Variants in SLC2A9 observed in about 807,000 individuals in gnomAD.
SLC2A9 encodes solute carrier family 2 member 9, also known as solute carrier family 2, facilitated glucose transporter member 9.
In SLC2A9, 39 loss-of-function variants were observed where a neutral mutation model predicts 50.6. The ratio of observed to expected loss-of-function variants is 0.77; its 90% confidence interval spans 0.60 to 1.01. SLC2A9 has a LOEUF of 1.01. Ranked by LOEUF, SLC2A9 falls within the 50% of genes least tolerant of loss-of-function variation. The pLI is 0.00. For synonymous variants in SLC2A9, 324 were observed against 276.9 expected (o/e 1.17, Z -1.69); for missense variants, 686 against 677.6 (o/e 1.01, Z -0.14).
At chr4:9,849,062 C>A (rs1206364301) in intron 10 of SLC2A9, among the ~76,000 whole-genome samples, 2 of 152,106 alleles carry the variant, frequency 1.3e-5, no homozygotes, top group Admixed American at 1.3e-4. Context: ...TCAGTGAGAG[C>A]CTGGGCTGCG....
At chr4:10,037,285 C>T (rs534399628) in intron 1 of SLC2A9, among the ~76,000 whole-genome samples, 2 of 152,176 alleles carry the variant, frequency 1.3e-5, no homozygotes, top group Admixed American at 6.5e-5. Flanking sequence ...CTCTAGATTA[C>T]GGACTTGCCT....
intron 5 of SLC2A9, among the ~76,000 whole-genome samples, chr4:9,973,213 T>C (rs531657886): frequency 6.6e-6 from 1 of 152,308 alleles, no homozygotes; most frequent in Admixed American, 6.5e-5. Flanking sequence ...AATAAGTTCC[T>C]GGAAACTCAC....
chr4:9,977,917 C>T (rs1339748732), intron 5 of SLC2A9, among the ~76,000 whole-genome samples: 1 of 152,216 alleles, frequency 6.6e-6, no homozygotes, highest in African/African-American at 2.4e-5. Flanking sequence ...GCTTTCTACA[C>T]ATTTGTTGAA....
At chr4:9,808,747 A>G (rs945627059) in intron 3 of SLC2A9, among the ~76,000 whole-genome samples, 3 of 152,170 alleles carry the variant, frequency 2.0e-5, no homozygotes, top group Non-Finnish European at 4.4e-5. Flanking sequence ...ACATGATTCC[A>G]AAGTGAGCAG....
intron 3 of SLC2A9, chr4:9,782,434 C>T (rs1354488934): frequency 3.7e-6 from 6 of 1,613,888 alleles, no homozygotes; most frequent in East Asian, 4.5e-5. Flanking sequence ...GCGTCATCAG[C>T]GTGGACCGCT....
intron 2 of SLC2A9, among the ~76,000 whole-genome samples, chr4:10,000,413 T>C (rs932253368): frequency 1.3e-5 from 2 of 152,142 alleles, no homozygotes; most frequent in Non-Finnish European, 1.5e-5. Flanking sequence ...CAACTCAAAA[T>C]AGCTGAACAA....
intron 7 of SLC2A9, among the ~76,000 whole-genome samples, chr4:9,911,617 G>C (rs914837397): frequency 6.6e-6 from 1 of 152,214 alleles, no homozygotes; most frequent in Admixed American, 6.5e-5. Context: ...TGGAGGCATA[G>C]AGTGGGGATT....
At chr4:9,781,978 G>T in intron 3 of SLC2A9, 1 of 1,371,506 alleles carries the variant, frequency 7.3e-7, no homozygotes, top group Non-Finnish European at 9.5e-7. Flanking sequence ...CCTGGGGGTC[G>T]CAGGGCTGAA....
chr4:9,777,569 G>A (rs1278665719), downstream of SLC2A9, among the ~76,000 whole-genome samples: 2 of 152,070 alleles, frequency 1.3e-5, no homozygotes, highest in African/African-American at 4.8e-5. Context: ...GCCAGCGTCT[G>A]TGCACCTTTC....
At position 9,783,301 on chromosome 4, in the gene SLC2A9, G is replaced by A. The variant is rs764839927; in HGVS notation, n.386-3236C>T. 5.6e-6 allele frequency: 9 copies of A among 1,614,124 alleles called. No individual in the cohort carries two copies. The South Asian group carries it at 6.6e-5, about 12-fold the overall frequency. ...ACGCCGTTACCCCCGGCAACCGGGA[G>A]GTGGACAACGACGAGGAGGAGGGTC... On this transcript the variant is annotated intron_variant and non_coding_transcript_variant, in intron 3 of 3. Transcript: ENST00000503803.
chr4:9,783,188 G>A lies in SLC2A9; in HGVS notation n.386-3123C>T. The A allele has an allele frequency of 6.2e-7, 1 of 1,614,208 alleles. No individual in the cohort carries two copies. The highest frequency in any genetic ancestry group is 8.5e-7 in the Non-Finnish European group (1 of 1,180,044). ...CTGCTCCCGCACGCCGGTGGAGACG[G>A]TGAACATCAGCAATGAGCTCATCTC... On this transcript the variant is annotated intron_variant and non_coding_transcript_variant, in intron 3 of 3. Transcript: ENST00000503803.
intron 5 of SLC2A9, among the ~76,000 whole-genome samples, chr4:9,970,718 G>C (rs951143774): frequency 1.5e-4 from 22 of 151,198 alleles, no homozygotes; most frequent in African/African-American, 4.4e-4. Flanking sequence ...GGAAGAAAGA[G>C]ACCTCTCATA....
At chr4:9,875,358 C>G (rs1373624069) in intron 10 of SLC2A9, among the ~76,000 whole-genome samples, 1 of 152,168 alleles carries the variant, frequency 6.6e-6, no homozygotes, top group Admixed American at 6.5e-5. Flanking sequence ...GATGCTGTGT[C>G]TTTAGAAATG....
At chr4:9,842,546 T>TA (rs2109229740) in intron 10 of SLC2A9, among the ~76,000 whole-genome samples, 1 of 152,328 alleles carries the variant, frequency 6.6e-6, no homozygotes, top group Non-Finnish European at 1.5e-5. Context: ...CTTGCCCAGT[T>TA]ACTAGTCCTG....
intron 10 of SLC2A9, among the ~76,000 whole-genome samples, chr4:9,882,372 C>A (rs1218040014): frequency 6.6e-6 from 1 of 152,074 alleles, no homozygotes; most frequent in Non-Finnish European, 1.5e-5. Context: ...GGTTCTAGGA[C>A]AAGATGGTGA....
chr4:9,817,948 C>T (rs11726423), intron 3 of SLC2A9, among the ~76,000 whole-genome samples: 70,433 of 152,118 alleles, frequency 0.46, 19,369 homozygotes, highest in Non-Finnish European at 0.63. Context: ...GTGCCGCATT[C>T]TTGGATTGAC....
At chr4:10,014,701 C>A (rs1264539531) in intron 2 of SLC2A9, among the ~76,000 whole-genome samples, 1 of 152,196 alleles carries the variant, frequency 6.6e-6, no homozygotes, top group African/African-American at 2.4e-5. Flanking sequence ...CAGCCTGTCT[C>A]ACTGGTGATT....
At position 9,835,011 on chromosome 4, in the gene SLC2A9, G is replaced by A; in HGVS notation, c.1292-3C>T. The A allele has an allele frequency of 6.2e-7, 1 of 1,613,142 alleles. No individual in the cohort carries two copies. The highest frequency in any genetic ancestry group is 2.2e-5 in the East Asian group (1 of 44,876). On this transcript the variant is annotated splice_polypyrimidine_tract_variant and splice_region_variant and intron_variant, in intron 10 of 11. Coordinates refer to ENST00000264784, the MANE Select transcript of SLC2A9 (RefSeq NM_020041.3). ...AGTCAAGATGAACGGGATGCCACCT[G>A]CAGTGTGTGAGCCAGGACATGGAAT...
chr4:9,876,887 T>C (rs1262816027), intron 10 of SLC2A9, among the ~76,000 whole-genome samples: 2 of 152,248 alleles, frequency 1.3e-5, no homozygotes, highest in East Asian at 1.9e-4. Flanking sequence ...CAATGGCTAC[T>C]ATTTAGTTTT....
Sources: gnomAD v4.1 joint callset for allele counts (sites outside exome capture counted in the v4.1 genomes callset) on GRCh38, gnomAD v4.1.1 for gene constraint, MANE v1.5 for transcripts, NCBI Gene and HGNC (gene_info 2026-07-23, HGNC 2026-07-21) for gene names.